Variants in SUPT3H observed in about 807,000 individuals in gnomAD.
SUPT3H encodes SPT3 homolog, SAGA and STAGA complex component, also known as transcription initiation protein SPT3 homolog.
In SUPT3H, 44 loss-of-function variants were observed where a neutral mutation model predicts 44.3. That is an observed-to-expected ratio of 0.99 (90% CI 0.78 to 1.28). The LOEUF (loss-of-function observed/expected upper bound fraction) is 1.28. SUPT3H is among the 50% of genes most tolerant of loss of function. SUPT3H has a pLI of 0.00. For missense variants in SUPT3H, 380 were observed against 387.1 expected (o/e 0.98, Z 0.15); for synonymous variants, 124 against 125.6 (o/e 0.99, Z 0.09).
At chr6:44,831,472 G>C (rs1425758722) in intron 10 of SUPT3H, among the ~76,000 whole-genome samples, 1 of 152,188 alleles carries the variant, frequency 6.6e-6, no homozygotes, top group Non-Finnish European at 1.5e-5. Context: ...CACAACCACA[G>C]GCAGTGGAGC....
intron 10 of SUPT3H, among the ~76,000 whole-genome samples, chr6:44,908,849 T>A (rs1766542790): frequency 6.6e-6 from 1 of 152,202 alleles, no homozygotes; most frequent in Non-Finnish European, 1.5e-5. Context: ...TCAGCCTTAC[T>A]CTGAGCTAAT....
intron 9 of SUPT3H, among the ~76,000 whole-genome samples, chr6:44,934,547 G>A (rs1256102837): frequency 6.6e-6 from 1 of 152,186 alleles, no homozygotes; most frequent in African/African-American, 2.4e-5. Context: ...TTTGTACGTT[G>A]AAATCCAAGC....
intron 2 of SUPT3H, among the ~76,000 whole-genome samples, chr6:45,340,292 A>C (rs573123615): frequency 1.3e-5 from 2 of 152,150 alleles, no homozygotes; most frequent in Admixed American, 6.6e-5. Flanking sequence ...AAATAAAAGT[A>C]TATCAAGGAA....
chr6:44,964,457 G>A (rs766452775), intron 6 of SUPT3H, among the ~76,000 whole-genome samples: 2 of 152,174 alleles, frequency 1.3e-5, no homozygotes, highest in South Asian at 2.1e-4. Flanking sequence ...CTGCATATAT[G>A]CTTACATAGC....
rs1491382837 is a variant in SUPT3H at position 45,029,397 on chromosome 6, CAT to C, written c.187-8767_187-8766del. ...AAAATATGTGTGTGTACATATATTG[CAT>C]GTGTATATATATATAATTACTCAGT... On this transcript the variant is annotated intron_variant, in intron 3 of 10. Transcript: ENST00000371459. Among the ~76,000 whole-genome samples, 11 of 149,190 alleles carry C rather than the reference CAT, an allele frequency of 7.4e-5. 1 individual carries two copies. The highest frequency in any genetic ancestry group is 6.3e-4 in the South Asian group (3 of 4,738).
chr6:45,375,162 G>A (rs1418686330), intron 1 of SUPT3H, among the ~76,000 whole-genome samples: 4 of 152,144 alleles, frequency 2.6e-5, no homozygotes, highest in Non-Finnish European at 5.9e-5. Context: ...AGCTGAGATC[G>A]CACCATTGTA....
intron 2 of SUPT3H, among the ~76,000 whole-genome samples, chr6:45,300,828 G>A (rs976582899): frequency 7.9e-4 from 9 of 11,422 alleles, no homozygotes; most frequent in Admixed American, 1.4e-3. Flanking sequence ...GTCCCTGAGA[G>A]GCAAAACCTA....
intron 11 of SUPT3H, among the ~76,000 whole-genome samples, chr6:44,820,536 G>A (rs891963453): frequency 1.3e-5 from 2 of 152,172 alleles, no homozygotes; most frequent in African/African-American, 4.8e-5. Context: ...TGGGTATAGT[G>A]TTGCAAGAAT....
intron 10 of SUPT3H, among the ~76,000 whole-genome samples, chr6:44,880,847 A>G (rs972756142): frequency 6.6e-6 from 1 of 152,200 alleles, no homozygotes; most frequent in Non-Finnish European, 1.5e-5. Context: ...AAGTGAAGGA[A>G]AAATAAAATC....
intron 10 of SUPT3H, among the ~76,000 whole-genome samples, chr6:44,876,750 A>G (rs2153432662): frequency 6.6e-6 from 1 of 151,662 alleles, no homozygotes; most frequent in South Asian, 2.1e-4. Context: ...ATACTTTGAG[A>G]TGAATGAAAA....
rs568903887 is a variant in SUPT3H at position 44,888,600 on chromosome 6, T to C, written c.912+44053A>G. Among the ~76,000 whole-genome samples, 301 of 152,306 alleles carry C rather than the reference T, an allele frequency of 2.0e-3. 3 individuals are homozygous for C. The highest frequency in any genetic ancestry group is 3.6e-3 in the Non-Finnish European group (244 of 68,028). Reference sequence around the variant, plus strand: ...CTAAAAACTCTCAATAAATTAGGTATTGATGGGACCTATCACAAAATAACA... The same window carrying C: ...CTAAAAACTCTCAATAAATTAGGTACTGATGGGACCTATCACAAAATAACA... On this transcript the variant is annotated intron_variant, in intron 10 of 10. Coordinates refer to ENST00000371459, the MANE Select transcript of SUPT3H (RefSeq NM_003599.4).
chr6:44,856,775 A>G (rs1773806186), intron 10 of SUPT3H, among the ~76,000 whole-genome samples: 1 of 152,234 alleles, frequency 6.6e-6, no homozygotes, highest in Non-Finnish European at 1.5e-5. Flanking sequence ...ACACAAACGT[A>G]GGGCACGGCA....
chr6:45,217,247 C>T (rs1430934978), intron 2 of SUPT3H, among the ~76,000 whole-genome samples: 1 of 152,068 alleles, frequency 6.6e-6, no homozygotes, highest in Non-Finnish European at 1.5e-5. Flanking sequence ...GAGGCCGAGG[C>T]AGGTGAATCA....
At chr6:45,194,350 T>C (rs972549437) in intron 2 of SUPT3H, among the ~76,000 whole-genome samples, 1 of 152,078 alleles carries the variant, frequency 6.6e-6, no homozygotes, top group Non-Finnish European at 1.5e-5. Context: ...GTGTTGTTTG[T>C]GGTGTGGAGG....
chr6:44,930,743 T>A (rs575270884), intron 10 of SUPT3H, among the ~76,000 whole-genome samples: 4 of 152,198 alleles, frequency 2.6e-5, no homozygotes, highest in Admixed American at 1.3e-4. Flanking sequence ...TTTTGTTTGA[T>A]TGTTCTACTA....
At chr6:44,863,985 T>C (rs1775082204) in intron 10 of SUPT3H, among the ~76,000 whole-genome samples, 1 of 151,842 alleles carries the variant, frequency 6.6e-6, no homozygotes. Flanking sequence ...TATGTGGGAA[T>C]TATGGGAGTA....
chr6:45,230,686 A>ATATATATATAT (rs796866510), intron 2 of SUPT3H, among the ~76,000 whole-genome samples: 1 of 116,796 alleles, frequency 8.6e-6, no homozygotes, highest in Non-Finnish European at 1.8e-5. Context: ...ATATATATAT[A>ATATATATATAT]TTTTTGAGAT....
rs114482137 is a variant in SUPT3H at position 45,335,315 on chromosome 6, T to G, written c.101+29886A>C. On this transcript the variant is annotated intron_variant, in intron 2 of 10. Coordinates refer to ENST00000371459, the MANE Select transcript of SUPT3H (RefSeq NM_003599.4). ...GTATCTAAACAATGTGAATTTACTT[T>G]GAAGCTTAAAAGAAAGGATCATGAC... Among the ~76,000 whole-genome samples the G allele has an allele frequency of 2.5e-3, 386 of 151,386 alleles. 3 individuals are homozygous for G. The highest frequency in any genetic ancestry group is 8.5e-3 in the African/African-American group (353 of 41,508).
At chr6:45,159,244 T>C (rs574536218) in intron 2 of SUPT3H, 13 of 152,354 alleles carry the variant, frequency 8.5e-5, no homozygotes, top group African/African-American at 2.9e-4. Flanking sequence ...TGATGCAATA[T>C]GGGATTCAAT....
Sources: gnomAD v4.1 joint callset for allele counts (sites outside exome capture counted in the v4.1 genomes callset) on GRCh38, gnomAD v4.1.1 for gene constraint, MANE v1.5 for transcripts, NCBI Gene and HGNC (gene_info 2026-07-23, HGNC 2026-07-21) for gene names.